Variants in AQP7B observed in about 807,000 individuals in gnomAD.
AQP7B encodes the protein putative aquaporin-7B.
the AQP7B span, chr2:94,603,284 C>T: frequency 2.8e-6 from 4 of 1,416,994 alleles, no homozygotes; most frequent in Non-Finnish European, 3.9e-6. Context: ...GAGAAAAAAG[C>T]CTTGGAGCTC....
the AQP7B span, chr2:94,588,471 C>G: frequency 6.4e-6 from 4 of 624,710 alleles, no homozygotes; most frequent in Admixed American, 2.6e-5. Flanking sequence ...TCCTCCAGCC[C>G]TAGTGACCTC....
chr2:94,603,621 T>A, the AQP7B span: 34 of 1,316,146 alleles, frequency 2.6e-5, no homozygotes, highest in Non-Finnish European at 3.5e-5. Context: ...CTGAGACGTC[T>A]CTCTGCTGGT....
At chr2:94,593,795 C>T in the AQP7B span, among the ~76,000 whole-genome samples, 1 of 151,944 alleles carries the variant, frequency 6.6e-6, no homozygotes, top group African/African-American at 2.4e-5. Flanking sequence ...CCCTCTTCTT[C>T]CTCTTTATCC....
At chr2:94,589,581 AT>A in the AQP7B span, among the ~76,000 whole-genome samples, 1 of 152,022 alleles carries the variant, frequency 6.6e-6, no homozygotes, top group East Asian at 1.9e-4. Flanking sequence ...TACTTATTAC[AT>A]TTCATTGCTG....
chr2:94,592,451 G>A, the AQP7B span, among the ~76,000 whole-genome samples: 1 of 152,068 alleles, frequency 6.6e-6, no homozygotes, highest in African/African-American at 2.4e-5. Context: ...GCAGAGTTGC[G>A]TGGATATTCC....
At chr2:94,604,224 A>G in the AQP7B span, 8 of 1,471,520 alleles carry the variant, frequency 5.4e-6, no homozygotes, top group Non-Finnish European at 7.3e-6. Context: ...TCTTCGCCCA[A>G]GGTGGATGAG....
At chr2:94,599,372 C>T in the AQP7B span, among the ~76,000 whole-genome samples, 2 of 152,182 alleles carry the variant, frequency 1.3e-5, no homozygotes, top group African/African-American at 4.8e-5. Context: ...CCCTGCTCAG[C>T]TGCCTCTCCC....
At chr2:94,601,807 C>T in the AQP7B span, among the ~76,000 whole-genome samples, 3 of 151,968 alleles carry the variant, frequency 2.0e-5, no homozygotes, top group South Asian at 6.2e-4. Context: ...GAGAGGATAG[C>T]ACAGGAGCCA....
the AQP7B span, among the ~76,000 whole-genome samples, chr2:94,597,660 A>G: frequency 7.0e-6 from 1 of 142,552 alleles, no homozygotes; most frequent in African/African-American, 2.7e-5. Context: ...CCTTTGTCGC[A>G]GTGGTGCAAT....
chr2:94,590,036 C>G, the AQP7B span, among the ~76,000 whole-genome samples: 1 of 152,240 alleles, frequency 6.6e-6, no homozygotes, highest in Non-Finnish European at 1.5e-5. Flanking sequence ...CCTCCCATGC[C>G]TCCCCTGAGC....
the AQP7B span, among the ~76,000 whole-genome samples, chr2:94,597,124 C>T: frequency 6.6e-6 from 1 of 152,168 alleles, no homozygotes; most frequent in African/African-American, 2.4e-5. Context: ...GCTGCTGTCT[C>T]CTCTCTGCCT....
At chr2:94,592,901 G>T in the AQP7B span, among the ~76,000 whole-genome samples, 2 of 126,724 alleles carry the variant, frequency 1.6e-5, no homozygotes, top group African/African-American at 3.0e-5. Flanking sequence ...TCAGCTCACT[G>T]CAACCTCTGC....
chr2:94,588,527 T>C, the AQP7B span: 1 of 855,396 alleles, frequency 1.2e-6, no homozygotes, highest in South Asian at 1.5e-5. Flanking sequence ...AAAACATGGT[T>C]CAAGCATCTG....
the AQP7B span, among the ~76,000 whole-genome samples, chr2:94,600,876 CA>C: frequency 0.027 from 2,286 of 84,600 alleles, 28 homozygotes; most frequent in African/African-American, 0.052. Flanking sequence ...AAGACTGTCT[CA>C]AAAAAAAAAA....
chr2:94,592,369 C>T, the AQP7B span, among the ~76,000 whole-genome samples: 2 of 152,196 alleles, frequency 1.3e-5, no homozygotes, highest in African/African-American at 4.8e-5. Context: ...GTTCATAGCT[C>T]ACCCATCCCA....
chr2:94,599,402 TCA>T, the AQP7B span, among the ~76,000 whole-genome samples: 3 of 151,988 alleles, frequency 2.0e-5, no homozygotes, highest in Non-Finnish European at 4.4e-5. Flanking sequence ...CTGGGCTATT[TCA>T]CATTTTCTCA....
At chr2:94,603,793 G>A in the AQP7B span, 44 of 1,529,090 alleles carry the variant, frequency 2.9e-5, no homozygotes, top group Admixed American at 2.7e-4. Flanking sequence ...AGGAACACAC[G>A]CGCTGGTGAT....
chr2:94,591,853 G>A, the AQP7B span, among the ~76,000 whole-genome samples: 1 of 151,896 alleles, frequency 6.6e-6, no homozygotes. Flanking sequence ...CCTCCTCTAG[G>A]CCATTCACTT....
At chr2:94,594,912 C>A in the AQP7B span, 2 of 1,220,184 alleles carry the variant, frequency 1.6e-6, no homozygotes, top group Non-Finnish European at 2.4e-6. Context: ...GGGGCTCCAC[C>A]AGGGCTGTCC....
Sources: gnomAD v4.1 joint callset for allele counts (sites outside exome capture counted in the v4.1 genomes callset) on GRCh38, gnomAD v4.1.1 for gene constraint, MANE v1.5 for transcripts, NCBI Gene and HGNC (gene_info 2026-07-23, HGNC 2026-07-21) for gene names.